Variants in JMJD1C observed in about 807,000 individuals in gnomAD.
JMJD1C encodes the protein jumonji domain containing 1C, also known as jumonji domain-containing protein 1C.
JMJD1C carries 31 observed loss-of-function variants against 245.3 expected under a neutral mutation model. That is an observed-to-expected ratio of 0.13 (90% CI 0.09 to 0.17). JMJD1C has a LOEUF of 0.17. JMJD1C is among the 10% of genes least tolerant of loss of function. JMJD1C has a pLI of 1.00. For synonymous variants in JMJD1C, 1,057 were observed against 1,017.4 expected (o/e 1.04, Z -0.74); for missense variants, 2,691 against 3,000.2 (o/e 0.90, Z 2.41).
At chr10:63,245,478 C>CTTTTTTTTT (rs71025134) in intron 3 of JMJD1C, among the ~76,000 whole-genome samples, 2,115 of 90,064 alleles carry the variant, frequency 0.023, 130 homozygotes, top group East Asian at 0.037. Context: ...CAGGGGAACT[C>CTTTTTTTTT]TTTTTTTTTT....
chr10:63,402,541 A>C (rs1209019750), intron 1 of JMJD1C, among the ~76,000 whole-genome samples: 2 of 152,138 alleles, frequency 1.3e-5, no homozygotes. Context: ...TGTTTTCTTC[A>C]TGCCACTTTG....
At chr10:63,313,210 A>T (rs1000400290) in intron 2 of JMJD1C, among the ~76,000 whole-genome samples, 2 of 152,192 alleles carry the variant, frequency 1.3e-5, no homozygotes, top group African/African-American at 4.8e-5. Context: ...TTGGTTTTTC[A>T]TTCCTGAGTT....
intron 2 of JMJD1C, among the ~76,000 whole-genome samples, chr10:63,339,554 G>GGGA (rs1185043597): frequency 6.6e-6 from 1 of 152,094 alleles, no homozygotes; most frequent in African/African-American, 2.4e-5. Flanking sequence ...AGGCAGGGAT[G>GGGA]GGAGGATCCC....
chr10:63,388,907 G>A (rs1947830759), intron 1 of JMJD1C, among the ~76,000 whole-genome samples: 1 of 152,128 alleles, frequency 6.6e-6, no homozygotes, highest in Non-Finnish European at 1.5e-5. Flanking sequence ...GTCAAAAGCA[G>A]TAAAAGGAGA....
intron 1 of JMJD1C, among the ~76,000 whole-genome samples, chr10:63,475,922 T>C (rs1199590894): frequency 1.3e-5 from 2 of 152,138 alleles, no homozygotes; most frequent in Non-Finnish European, 2.9e-5. Context: ...TTAAAGTTGA[T>C]AATGGGCTGG....
chr10:63,500,746 A>AGGATGGAT (rs780486083), intron 1 of JMJD1C, among the ~76,000 whole-genome samples: 13,894 of 111,890 alleles, frequency 0.12, 907 homozygotes, highest in African/African-American at 0.19. Context: ...GATGGATGGA[A>AGGATGGAT]GGATGGATGG....
At chr10:63,496,051 T>TAAAA (rs1184553476) in intron 1 of JMJD1C, among the ~76,000 whole-genome samples, 2 of 124,442 alleles carry the variant, frequency 1.6e-5, no homozygotes, top group Non-Finnish European at 3.5e-5. Context: ...AAAAAAAAAT[T>TAAAA]AAAAAAAAAA....
At chr10:63,272,388 A>G (rs993941046) in intron 2 of JMJD1C, among the ~76,000 whole-genome samples, 10 of 151,984 alleles carry the variant, frequency 6.6e-5, no homozygotes, top group African/African-American at 2.2e-4. Context: ...AGTAGCTGGG[A>G]TTACAGGTGC....
At chr10:63,334,017 T>A (rs1211701597) in intron 2 of JMJD1C, among the ~76,000 whole-genome samples, 1 of 152,088 alleles carries the variant, frequency 6.6e-6, no homozygotes, top group African/African-American at 2.4e-5. Flanking sequence ...AAAAAGAAAG[T>A]AAGTAACAGA....
At chr10:63,338,504 T>TA (rs543793521) in intron 2 of JMJD1C, among the ~76,000 whole-genome samples, 57 of 151,944 alleles carry the variant, frequency 3.8e-4, no homozygotes, top group Non-Finnish European at 7.5e-4. Flanking sequence ...CAGATAAAAT[T>TA]TAAGTAGGCA....
chr10:63,355,611 A>G lies in JMJD1C; in HGVS notation c.333+24707T>C, dbSNP rs189724495. On this transcript the variant is annotated intron_variant, in intron 2 of 25. Coordinates refer to ENST00000399262, the MANE Select transcript of JMJD1C (RefSeq NM_032776.3). Reference sequence around the variant, plus strand: ...AGTATGTGAAAGAGGGAACAACAGTAAAAAGCTGAGGAGTTGGAAAAGAGA... The same window carrying G: ...AGTATGTGAAAGAGGGAACAACAGTGAAAAGCTGAGGAGTTGGAAAAGAGA... Among the ~76,000 whole-genome samples, 402 of 152,334 alleles carry G rather than the reference A, an allele frequency of 2.6e-3. 3 individuals are homozygous for G. The highest frequency in any genetic ancestry group is 9.5e-3 in the African/African-American group (393 of 41,586).
Position 63,215,319 on chromosome 10 carries a change from C to G in JMJD1C, c.959G>C (p.Ser320Thr). The G allele has an allele frequency of 1.9e-6, 3 of 1,613,550 alleles. No individual in the cohort carries two copies. The highest frequency in any genetic ancestry group is 2.5e-6 in the Non-Finnish European group (3 of 1,179,930). ...CTTCATCTTCTCTTCATCTGGTATA[C>G]TGCTATCTGAGCCCTTCCTCTTATT... The part of the protein sequence containing the change: ...RPNKRKGSDS[S>T]IPDEEKMKEE... Residue 320 changes from serine (S) to threonine (T), a missense_variant, in exon 7 of 26, where the codon AGT becomes ACT. Transcript: ENST00000399262.
chr10:63,468,433 A>G (rs577566307), upstream of JMJD1C, among the ~76,000 whole-genome samples: 33 of 152,298 alleles, frequency 2.2e-4, no homozygotes, highest in African/African-American at 7.9e-4. Flanking sequence ...AGCAAATCAT[A>G]ACTTTGTAAA....
intron 2 of JMJD1C, among the ~76,000 whole-genome samples, chr10:63,350,855 A>C (rs997379289): frequency 4.6e-5 from 7 of 151,926 alleles, no homozygotes; most frequent in Non-Finnish European, 1.0e-4. Flanking sequence ...TCCTGACCTC[A>C]AGATCCGCCC....
chr10:63,213,434 A>T, intron 8 of JMJD1C, 39 bp downstream of exon 8: 1 of 1,153,402 alleles, frequency 8.7e-7, no homozygotes, highest in Non-Finnish European at 1.3e-6. Flanking sequence ...CATGTTCATT[A>T]ATATATACTG....
intron 1 of JMJD1C, among the ~76,000 whole-genome samples, chr10:63,431,824 C>T (rs551351671): frequency 3.1e-4 from 47 of 152,264 alleles, no homozygotes; most frequent in Non-Finnish European, 5.0e-4. Context: ...CCACCCTGGC[C>T]AACAAGGTGA....
chr10:63,447,089 A>G (rs1951763458), intron 1 of JMJD1C, among the ~76,000 whole-genome samples: 1 of 146,850 alleles, frequency 6.8e-6, no homozygotes, highest in Admixed American at 6.8e-5. Flanking sequence ...AAAAAAAAAG[A>G]CAAAACAGTA....
chr10:63,241,456 T>C (rs1448143115), intron 3 of JMJD1C, among the ~76,000 whole-genome samples: 1 of 152,216 alleles, frequency 6.6e-6, no homozygotes, highest in Non-Finnish European at 1.5e-5. Context: ...AAATTATTTA[T>C]ATAAGGGAAA....
intron 23 of JMJD1C, chr10:63,177,027 A>C (rs1236730649): frequency 6.6e-6 from 1 of 152,666 alleles, no homozygotes; most frequent in Non-Finnish European, 1.5e-5. Flanking sequence ...TCAGGGATAA[A>C]ATGGTACAAA....
Sources: allele counts gnomAD v4.1 joint callset (sites outside exome capture counted in the v4.1 genomes callset), GRCh38; gene constraint gnomAD v4.1.1; transcripts MANE v1.5; gene names NCBI Gene and HGNC (gene_info 2026-07-23, HGNC 2026-07-21).